The following ACSL4 variants were observed in gnomAD, a reference collection of about 807,000 sequenced individuals.
The protein encoded by ACSL4 is long-chain-fatty-acid--CoA ligase 4.
A neutral mutation model predicts 49.1 loss-of-function variants in ACSL4; 9 were observed. The observed-to-expected ratio is 0.18, with a 90% CI of 0.11 to 0.32. The LOEUF is 0.32. Among genes scored for constraint, ACSL4 ranks in the 10% least tolerant of loss-of-function variants. The pLI, the probability that ACSL4 is intolerant of heterozygous loss-of-function variation, is 1.00. For missense variants in ACSL4, 333 were observed against 493.7 expected (o/e 0.67, Z 3.08); for synonymous variants, 191 against 170.3 (o/e 1.12, Z -0.95).
intron 1 of ACSL4, among the ~76,000 whole-genome samples, chrX:109,713,475 G>A (rs1440888241): frequency 1.8e-5 from 2 of 111,801 alleles, no homozygotes; most frequent in African/African-American, 6.5e-5. Flanking sequence ...GGAAGTGAGA[G>A]ATGGGACAGG....
At chrX:109,675,305 T>C (rs1177837106) in intron 8 of ACSL4, among the ~76,000 whole-genome samples, 2 of 112,646 alleles carry the variant, frequency 1.8e-5, no homozygotes, top group Non-Finnish European at 3.8e-5. Context: ...TTTGTTTTTT[T>C]TACTCTTAGT....
intron 6 of ACSL4, 95 bp downstream of exon 6, chrX:109,680,903 C>T: frequency 1.1e-6 from 1 of 943,001 alleles, no homozygotes; most frequent in Non-Finnish European, 1.5e-6. Flanking sequence ...AGTCAAAGAA[C>T]TTTTGTGGAT....
At chrX:109,712,634 G>A (rs917703227) in intron 1 of ACSL4, among the ~76,000 whole-genome samples, 1 of 112,030 alleles carries the variant, frequency 8.9e-6, no homozygotes, top group African/African-American at 3.3e-5. Flanking sequence ...GCATAGGTGG[G>A]GAAAATAAAA....
chrX:109,725,537 C>T (rs923461859), intron 1 of ACSL4, among the ~76,000 whole-genome samples: 3 of 110,784 alleles, frequency 2.7e-5, no homozygotes, highest in African/African-American at 6.6e-5. Context: ...CCAAGGCGGG[C>T]GGATCACGAG....
At chrX:109,657,950 G>T (rs1182331579) in intron 15 of ACSL4, among the ~76,000 whole-genome samples, 2 of 111,615 alleles carry the variant, frequency 1.8e-5, no homozygotes, top group Non-Finnish European at 3.8e-5. Flanking sequence ...GTTTTGATTT[G>T]CATTTCTCTG....
chrX:109,685,286 G>C (rs1384194048), intron 2 of ACSL4: 3 of 108,905 alleles, frequency 2.8e-5, no homozygotes, highest in African/African-American at 6.7e-5. Flanking sequence ...GTAGAGACGG[G>C]GTTTTGCCAT....
Position 109,683,381 on chromosome X carries a change from C to A in ACSL4, c.-12-6G>T. ...TTTGCCATAGCGTTTTTCTTCTTGG[C>A]ATTGGTAAGAAAATACCATGGAATA... is the stretch of plus-strand genomic sequence containing the variant. On this transcript the variant is annotated splice_polypyrimidine_tract_variant and splice_region_variant and intron_variant, in intron 2 of 15. Transcript: ENST00000672401. The A allele has an allele frequency of 8.3e-7, 1 of 1,211,028 alleles. No individual in the cohort carries two copies. Among genetic ancestry groups the A allele is most frequent in the Non-Finnish European group, 1.1e-6 (1 of 894,912 alleles).
At chrX:109,670,024 G>A (rs1479064649) in intron 9 of ACSL4, among the ~76,000 whole-genome samples, 1 of 110,846 alleles carries the variant, frequency 9.0e-6, no homozygotes, top group Non-Finnish European at 1.9e-5. Context: ...AAGATATACC[G>A]ACTCTAAGGT....
At chrX:109,657,570 G>A (rs1184214993) in intron 15 of ACSL4, among the ~76,000 whole-genome samples, 1 of 111,267 alleles carries the variant, frequency 9.0e-6, no homozygotes, top group East Asian at 2.8e-4. Context: ...TGGCTGCATA[G>A]TATTCCATGG....
At chrX:109,697,719 G>T (rs1200530580) in intron 1 of ACSL4, among the ~76,000 whole-genome samples, 2 of 95,275 alleles carry the variant, frequency 2.1e-5, no homozygotes, top group Admixed American at 2.3e-4. Flanking sequence ...ATGGGGGGGG[G>T]GGCGCGGGGA....
intron 1 of ACSL4, among the ~76,000 whole-genome samples, chrX:109,714,762 T>C (rs892523118): frequency 1.7e-4 from 19 of 112,288 alleles, no homozygotes; most frequent in African/African-American, 5.8e-4. Flanking sequence ...ACAGTCTTGG[T>C]GCATAGTTGG....
intron 1 of ACSL4, among the ~76,000 whole-genome samples, chrX:109,703,987 T>C (rs1235378124): frequency 8.9e-6 from 1 of 111,735 alleles, no homozygotes; most frequent in Non-Finnish European, 1.9e-5. Flanking sequence ...GGTTTTTTTG[T>C]TGTTGTTGGC....
chrX:109,686,591 A>C (rs762544508), intron 2 of ACSL4, among the ~76,000 whole-genome samples: 1 of 112,225 alleles, frequency 8.9e-6, no homozygotes, highest in African/African-American at 3.2e-5. Context: ...AAAATATATA[A>C]AGAAACAGAA....
At chrX:109,731,967 T>C (rs1298070891) in intron 1 of ACSL4, among the ~76,000 whole-genome samples, 1 of 112,462 alleles carries the variant, frequency 8.9e-6, no homozygotes, top group Non-Finnish European at 1.9e-5. Flanking sequence ...AAAGAAAAAC[T>C]AAGGTGACAA....
chrX:109,699,339 G>T (rs773704524), intron 1 of ACSL4, among the ~76,000 whole-genome samples: 12 of 112,255 alleles, frequency 1.1e-4, no homozygotes, highest in Non-Finnish European at 1.7e-4. Context: ...GATAGAGTGA[G>T]ACTCGGTCTC....
At chrX:109,644,462 G>C (rs1934552477) in intron 15 of ACSL4, among the ~76,000 whole-genome samples, 1 of 110,611 alleles carries the variant, frequency 9.0e-6, no homozygotes, top group Non-Finnish European at 1.9e-5. Context: ...AGTCTATGTG[G>C]TTATTAAAAT....
rs374755445 is a variant in ACSL4, at chrX:109,674,350, A to C, written c.1002+52T>G. On this transcript the variant is annotated intron_variant, in intron 9 of 15. Coordinates refer to ENST00000672401, the MANE Select transcript of ACSL4 (RefSeq NM_001318510.2). The stretch of plus-strand genomic sequence containing the variant: ...CTTTTTAAAAGGTCCAAGTACGATC[A>C]ATAAATTATATAAACAATCCTCTTA... 3 of 1,011,314 alleles carry C rather than the reference A, an allele frequency of 3.0e-6. No individual in the cohort carries two copies. The African/African-American group carries it at 5.6e-5, about 19-fold the overall frequency. 83.3% of individuals were successfully genotyped at this position (1,011,314 alleles called of 1,213,427 possible). A position where few individuals can be genotyped will look rare whatever the true frequency, so the allele number is the denominator to read the frequency against.
chrX:109,706,545 C>T, intron 1 of ACSL4, among the ~76,000 whole-genome samples: 1 of 112,295 alleles, frequency 8.9e-6, no homozygotes, highest in Non-Finnish European at 1.9e-5. Context: ...TAAAAATCAA[C>T]TGATAATACT....
intron 2 of ACSL4, among the ~76,000 whole-genome samples, chrX:109,684,704 G>A (rs1924447647): frequency 8.9e-6 from 1 of 111,964 alleles, no homozygotes; most frequent in Non-Finnish European, 1.9e-5. Context: ...AGTGCAAAAT[G>A]GCCAAGAGTA....
Sources: gnomAD v4.1 joint callset for allele counts (sites outside exome capture counted in the v4.1 genomes callset) on GRCh38, gnomAD v4.1.1 for gene constraint, MANE v1.5 for transcripts, NCBI Gene and HGNC (gene_info 2026-07-23, HGNC 2026-07-21) for gene names.